The following CDC5L variants were observed in gnomAD, a reference collection of about 807,000 sequenced individuals.
CDC5L encodes the protein cell division cycle 5 like.
Under a neutral mutation model 104.1 loss-of-function variants are expected in CDC5L, and 18 were observed. The observed-to-expected ratio is 0.17, with a 90% CI of 0.12 to 0.26. The LOEUF (loss-of-function observed/expected upper bound fraction) is 0.26. Ranked by LOEUF, CDC5L falls within the 10% of genes least tolerant of loss-of-function variation. The pLI is 1.00. For missense variants in CDC5L, 673 were observed against 956.9 expected (o/e 0.70, Z 3.91); for synonymous variants, 331 against 322.7 (o/e 1.03, Z -0.28).
rs1225699809 is a variant in CDC5L, at chr6:44,449,888, G to A, written c.*3177G>A. ...ACTTTTTTTTTTTTTTTTTTGAGAT[G>A]GAGTCTTGCTCTCTCACCCAGGCTG... On this transcript the variant is annotated 3_prime_UTR_variant, in exon 16 of 16. Coordinates refer to ENST00000371477, the MANE Select transcript of CDC5L (RefSeq NM_001253.4). 7.2e-6 allele frequency: 1 copy of A among 138,022 alleles called. No homozygotes were observed. The highest frequency in any genetic ancestry group is 1.5e-5 in the Non-Finnish European group (1 of 65,056). The allele number at this position is 138,022 out of a possible 1,614,324, so 8.5% of individuals were successfully genotyped here. A position where few individuals can be genotyped will look rare whatever the true frequency, so the allele number is the denominator to read the frequency against.
chr6:44,391,362 C>T (rs1790612548), intron 2 of CDC5L, among the ~76,000 whole-genome samples: 1 of 152,008 alleles, frequency 6.6e-6, no homozygotes, highest in South Asian at 2.1e-4. Flanking sequence ...CATTCTTCTG[C>T]CATAGCCTCC....
chr6:44,432,826 G>A (rs1792745663), intron 14 of CDC5L, among the ~76,000 whole-genome samples: 1 of 152,144 alleles, frequency 6.6e-6, no homozygotes, highest in South Asian at 2.1e-4. Context: ...AACCTTGCCA[G>A]ACTTTTGTGT....
At chr6:44,407,751 G>C (rs200797714) in intron 7 of CDC5L, among the ~76,000 whole-genome samples, 1 of 152,204 alleles carries the variant, frequency 6.6e-6, no homozygotes, top group African/African-American at 2.4e-5. Context: ...CACATTGGCT[G>C]CATCAACACA....
At chr6:44,420,677 C>T (rs1268111309) in intron 9 of CDC5L, among the ~76,000 whole-genome samples, 1 of 152,088 alleles carries the variant, frequency 6.6e-6, no homozygotes, top group Non-Finnish European at 1.5e-5. Flanking sequence ...ACTTTTTGAG[C>T]ACCAACATGA....
chr6:44,406,561 G>T, intron 7 of CDC5L, 94 bp downstream of exon 7: 1 of 1,105,466 alleles, frequency 9.0e-7, no homozygotes, highest in Non-Finnish European at 1.3e-6. Flanking sequence ...CCAGGTTTGT[G>T]CTGGATGCTC....
At chr6:44,394,081 A>G (rs961769667) in intron 4 of CDC5L, among the ~76,000 whole-genome samples, 53 of 152,108 alleles carry the variant, frequency 3.5e-4, no homozygotes, top group East Asian at 9.6e-4. Context: ...TGTTTCTTCA[A>G]TTCAGTTAAT....
chr6:44,398,770 AT>A (rs1259768076), intron 5 of CDC5L, among the ~76,000 whole-genome samples: 1 of 152,228 alleles, frequency 6.6e-6, no homozygotes, highest in Non-Finnish European at 1.5e-5. Context: ...AAAGAATGAA[AT>A]TACTTTAAAA....
chr6:44,440,761 G>A (rs1044855899), intron 14 of CDC5L, among the ~76,000 whole-genome samples: 1 of 145,468 alleles, frequency 6.9e-6, no homozygotes, highest in Non-Finnish European at 1.5e-5. Flanking sequence ...AGGCTGGAGT[G>A]CAGTGGTGTG....
intron 14 of CDC5L, among the ~76,000 whole-genome samples, chr6:44,430,576 C>CTTTTTTTTTT (rs547630955): frequency 7.3e-6 from 1 of 136,120 alleles, no homozygotes. Context: ...CTTGTGCATT[C>CTTTTTTTTTT]TTTTTTTTTT....
At chr6:44,394,118 G>A (rs998963888) in intron 4 of CDC5L, among the ~76,000 whole-genome samples, 1 of 152,152 alleles carries the variant, frequency 6.6e-6, no homozygotes, top group Non-Finnish European at 1.5e-5. Context: ...TACGGGGTGT[G>A]GTGGTATGTG....
rs139986691 is a variant in CDC5L, at chr6:44,427,690, G to GT, written c.1893+967dup. Among the ~76,000 whole-genome samples the GT allele has an allele frequency of 7.5e-3, 1,141 of 152,238 alleles. 13 individuals carry two copies. Among genetic ancestry groups the GT allele is most frequent in the African/African-American group, 0.026 (1,062 of 41,546 alleles). ...AACTGAGTCACTCATTTTTTAGTAA[G>GT]TGCAGTAGGGAAACTAACATCTGTT... On this transcript the variant is annotated intron_variant, in intron 13 of 15. Transcript: ENST00000371477.
intron 1 of CDC5L, among the ~76,000 whole-genome samples, chr6:44,388,977 G>T (rs1193473607): frequency 6.6e-6 from 1 of 152,024 alleles, no homozygotes; most frequent in Non-Finnish European, 1.5e-5. Flanking sequence ...AATACGTTTG[G>T]AATATTTAGA....
intron 6 of CDC5L, among the ~76,000 whole-genome samples, chr6:44,404,526 G>A (rs1791274721): frequency 6.6e-6 from 1 of 152,084 alleles, no homozygotes; most frequent in South Asian, 2.1e-4. Context: ...TGGCTATCAC[G>A]TTTTTAGCAC....
chr6:44,437,919 ATG>A (rs1438309878), intron 14 of CDC5L, among the ~76,000 whole-genome samples: 5 of 152,332 alleles, frequency 3.3e-5, no homozygotes, highest in Admixed American at 2.6e-4. Flanking sequence ...TGATTGGAGT[ATG>A]TAATAATGGG....
intron 8 of CDC5L, among the ~76,000 whole-genome samples, chr6:44,416,010 G>C (rs1791890666): frequency 6.6e-6 from 1 of 152,110 alleles, no homozygotes; most frequent in Non-Finnish European, 1.5e-5. Context: ...TATTGGTTCA[G>C]TGTCTGTTCT....
At chr6:44,433,141 T>G (rs1419817390) in intron 14 of CDC5L, among the ~76,000 whole-genome samples, 1 of 152,228 alleles carries the variant, frequency 6.6e-6, no homozygotes, top group Non-Finnish European at 1.5e-5. Context: ...AGAGCTTTAG[T>G]ACTTTTATTT....
chr6:44,429,458 T>TA (rs1792579694), intron 13 of CDC5L, among the ~76,000 whole-genome samples: 2 of 152,308 alleles, frequency 1.3e-5, no homozygotes, highest in South Asian at 4.1e-4. Context: ...TAGCTGCTGT[T>TA]ATAGTGAGTG....
At chr6:44,438,602 G>C (rs1793042150) in intron 14 of CDC5L, among the ~76,000 whole-genome samples, 1 of 151,258 alleles carries the variant, frequency 6.6e-6, no homozygotes, top group South Asian at 2.1e-4. Context: ...GGAAGAGAGT[G>C]AGTACAAATT....
chr6:44,396,085 G>A lies in CDC5L; in HGVS notation c.440-256G>A, dbSNP rs149557803. Among the ~76,000 whole-genome samples the A allele has an allele frequency of 3.2e-3, 483 of 152,166 alleles. 4 individuals are homozygous for A. The highest frequency in any genetic ancestry group is 0.011 in the African/African-American group (451 of 41,512). ...CCTTGTGAAATAGGAATTGTTATTCGAATTTTATAGGGAAACCATGCTTAG... is the reference window on the plus strand; with the variant it reads ...CCTTGTGAAATAGGAATTGTTATTCAAATTTTATAGGGAAACCATGCTTAG... On this transcript the variant is annotated intron_variant, in intron 4 of 15. Coordinates refer to ENST00000371477, the MANE Select transcript of CDC5L (RefSeq NM_001253.4).
Sources: allele counts gnomAD v4.1 joint callset (sites outside exome capture counted in the v4.1 genomes callset), GRCh38; gene constraint gnomAD v4.1.1; transcripts MANE v1.5; gene names NCBI Gene and HGNC (gene_info 2026-07-23, HGNC 2026-07-21).